The following CACNA1H variants were observed in gnomAD, a reference collection of about 807,000 sequenced individuals.
CACNA1H encodes the protein calcium voltage-gated channel subunit alpha1 H.
In CACNA1H, 149 loss-of-function variants were observed where a neutral mutation model predicts 192.5. That is an observed-to-expected ratio of 0.77 (90% CI 0.68 to 0.89). The LOEUF is 0.89. Ranked by LOEUF, CACNA1H falls within the 40% of genes least tolerant of loss-of-function variation. CACNA1H has a pLI of 0.00. For missense variants in CACNA1H, 4,257 were observed against 3,423.5 expected (o/e 1.24, Z -6.08); for synonymous variants, 2,202 against 1,475.2 (o/e 1.49, Z -11.29).
Position 1,205,197 on chromosome 16 carries a change from G to A in CACNA1H, c.2535G>A (p.Leu845=). The A allele has an allele frequency of 2.5e-6, 4 of 1,613,102 alleles. No individual in the cohort carries two copies. Among genetic ancestry groups the A allele is most frequent in the Non-Finnish European group, 3.4e-6 (4 of 1,179,780 alleles). ...CCCTGGAGATGCTGCTGAAGCTGCT[G>A]GCCTGCGGCCCTCTGGGCTACATCC... ...MFALEMLLKL[L]ACGPLGYIRN... Residue 845 remains leucine (L), a synonymous_variant, in exon 11 of 35, where the codon CTG becomes CTA. Transcript: ENST00000348261.
chr16:1,218,257 C>T lies in CACNA1H; in HGVS notation c.5493C>T (p.Tyr1831=), dbSNP rs60218977. Residue 1831 remains tyrosine, a synonymous_variant, in exon 33 of 35, where the codon TAC becomes TAT. Coordinates refer to ENST00000348261, the MANE Select transcript of CACNA1H (RefSeq NM_021098.3). ...CSREDKHCLS[Y]LPALSPVYFV... is the part of the protein sequence containing the mutation. Reference sequence around the variant, plus strand: ...GTGAGGACAAGCACTGCCTGAGCTACCTGCCGGCCCTGTCGCCCGTCTACT... The same window carrying T: ...GTGAGGACAAGCACTGCCTGAGCTATCTGCCGGCCCTGTCGCCCGTCTACT... The T allele has an allele frequency of 6.2e-3, 9,694 of 1,551,042 alleles. 60 individuals are homozygous for T. The highest frequency in any genetic ancestry group is 6.5e-3 in the Non-Finnish European group (7,412 of 1,147,352).
chr16:1,201,275 C>T (rs888848048), intron 8 of CACNA1H, among the ~76,000 whole-genome samples: 10 of 152,088 alleles, frequency 6.6e-5, no homozygotes, highest in Admixed American at 3.3e-4. Context: ...AGAGAGCAAG[C>T]GAAGCGAACG....
intron 2 of CACNA1H, among the ~76,000 whole-genome samples, chr16:1,192,347 GC>G (rs1966698093): frequency 1.3e-5 from 2 of 151,670 alleles, no homozygotes; most frequent in Non-Finnish European, 3.0e-5. Flanking sequence ...ACCCACCCCT[GC>G]CAGCCCCTCT....
chr16:1,206,025 G>T, intron 11 of CACNA1H, 79 bp from the exon 12 acceptor site: 1 of 1,388,302 alleles, frequency 7.2e-7, no homozygotes, highest in Non-Finnish European at 9.7e-7. Flanking sequence ...TCCCTGGCTG[G>T]TGACCCTGCT....
At chr16:1,182,067 C>T (rs1965534414) in intron 2 of CACNA1H, among the ~76,000 whole-genome samples, 1 of 152,346 alleles carries the variant, frequency 6.6e-6, no homozygotes, top group Admixed American at 6.5e-5. Flanking sequence ...ACAACGCTCC[C>T]CAGGGTGAGA....
chr16:1,185,583 GT>G (rs1965920374), intron 2 of CACNA1H, among the ~76,000 whole-genome samples: 1 of 150,526 alleles, frequency 6.6e-6, no homozygotes. Context: ...TCCATGGCGG[GT>G]GAGTAGACGG....
chr16:1,213,819 C>T lies in CACNA1H; in HGVS notation c.4817C>T (p.Thr1606Met), dbSNP rs59286323. ...CCCTACTATGCCGACTACTCGCCCA[C>T]GCGCCGCTCCATTCACTCGCTGTGC... Reference protein sequence around the residue: ...RRPYYADYSPTRRSIHSLCTS... With the variant: ...RRPYYADYSPMRRSIHSLCTS... The change falls in exon 27 of 35, where the codon ACG becomes ATG. Residue 1606 changes from threonine to methionine, a missense_variant. By Grantham distance (81) the Thr-to-Met change is moderately conservative (BLOSUM62 -1). Coordinates refer to ENST00000348261, the MANE Select transcript of CACNA1H (RefSeq NM_021098.3). 11,041 of 1,584,426 alleles carry T rather than the reference C, an allele frequency of 7.0e-3. 56 individuals are homozygous for T. Among genetic ancestry groups the T allele is most frequent in the Non-Finnish European group, 8.4e-3 (9,798 of 1,166,792 alleles).
chr16:1,171,894 C>A (rs1472281994), intron 2 of CACNA1H, among the ~76,000 whole-genome samples: 1 of 152,254 alleles, frequency 6.6e-6, no homozygotes, highest in Non-Finnish European at 1.5e-5. Flanking sequence ...GGGCAGAGCC[C>A]AAGGCCAGGG....
chr16:1,214,974 G>A lies in CACNA1H; in HGVS notation c.4932G>A (p.Ser1644=), dbSNP rs58764017. Residue 1644 remains serine, a splice_region_variant and synonymous_variant, in exon 28 of 35, where the codon TCG becomes TCA. Coordinates refer to ENST00000348261, the MANE Select transcript of CACNA1H (RefSeq NM_021098.3). The part of the protein sequence containing the change: ...MSMEHYNQPK[S]LDEALKYCNY... ...CCAGCCCGACCCTCCACCCCCAGTC[G>A]CTGGACGAGGCCCTCAAGTACTGCA... The A allele has an allele frequency of 1.0e-3, 1,615 of 1,603,918 alleles. 12 individuals are homozygous for A. In the African/African-American group the frequency reaches 0.018, roughly 18 times the overall value.
chr16:1,159,921 T>TC (rs1310996020), intron 2 of CACNA1H: 1 of 151,856 alleles, frequency 6.6e-6, no homozygotes, highest in African/African-American at 2.4e-5. Flanking sequence ...TCCCCTCACC[T>TC]CCCCCAAGGG....
rs1273662298 is a variant in CACNA1H, at chr16:1,200,135, C to A, written c.804-121C>A. 3.8e-6 allele frequency: 3 copies of A among 794,186 alleles called. No homozygotes were observed. The African/African-American group carries it at 5.2e-5, about 14-fold the overall frequency. The allele number at this position is 794,186 out of a possible 1,614,324, so 49.2% of individuals were successfully genotyped here. On this transcript the variant is annotated intron_variant, in intron 6 of 34. Coordinates refer to ENST00000348261, the MANE Select transcript of CACNA1H (RefSeq NM_021098.3). ...TGCCTCCCTAACCATGATTAGTCCACTGGCCCTGACCCTGATCACGTCCCT... is the reference window on the plus strand; with the variant it reads ...TGCCTCCCTAACCATGATTAGTCCAATGGCCCTGACCCTGATCACGTCCCT...
chr16:1,211,146 TGTATCCTTCACTCCCCTCCAGG>T lies in CACNA1H; in HGVS notation c.4224-19_4226del. 6.2e-7 allele frequency: 1 copy of T among 1,610,812 alleles called. No individual in the cohort carries two copies. Among genetic ancestry groups the T allele is most frequent in the Non-Finnish European group, 8.5e-7 (1 of 1,178,676 alleles). On this transcript the variant is annotated splice_acceptor_variant and splice_polypyrimidine_tract_variant and coding_sequence_variant and intron_variant, in exon 22 of 35. Coordinates refer to ENST00000348261, the MANE Select transcript of CACNA1H (RefSeq NM_021098.3). LOFTEE classifies it high-confidence loss of function. Reference sequence around the variant, plus strand: ...CAGCTGCTGCCATAGATGACTGCAGTGTATCCTTCACTCCCCTCCAGGGTCATCAGCCGGGCCCCGGGCCTCA... The same window carrying T: ...CAGCTGCTGCCATAGATGACTGCAGTGTCATCAGCCGGGCCCCGGGCCTCA...
intron 2 of CACNA1H, among the ~76,000 whole-genome samples, chr16:1,182,471 C>T (rs1466244862): frequency 6.6e-6 from 1 of 152,142 alleles, no homozygotes; most frequent in Admixed American, 6.5e-5. Flanking sequence ...GGCAGCCCAG[C>T]CCCCGTGCCC....
Position 1,209,226 on chromosome 16 carries a change from C to A in CACNA1H, c.3558C>A (p.Pro1186=), listed in dbSNP as rs748985468. 146 of 1,544,710 alleles carry A rather than the reference C, an allele frequency of 9.5e-5. No homozygotes were observed. Among genetic ancestry groups the A allele is most frequent in the Non-Finnish European group, 1.2e-4 (143 of 1,146,476 alleles). ...DDEAEDGRAA[P]GPRATPLRRA... Reference sequence around the variant, plus strand: ...AAGCTGAGGACGGCAGGGCCGCGCCCGGGCCCCGTGCCACCCCACTGCGGC... The same window carrying A: ...AAGCTGAGGACGGCAGGGCCGCGCCAGGGCCCCGTGCCACCCCACTGCGGC... The change falls in exon 17 of 35, where the codon CCC becomes CCA. Residue 1186 remains proline, a synonymous_variant. Coordinates refer to ENST00000348261, the MANE Select transcript of CACNA1H (RefSeq NM_021098.3).
intron 2 of CACNA1H, among the ~76,000 whole-genome samples, chr16:1,192,069 G>C (rs560153490): frequency 6.6e-6 from 1 of 152,372 alleles, no homozygotes; most frequent in Admixed American, 6.5e-5. Flanking sequence ...GTGTGATTTT[G>C]GCGGAGGGGG....
chr16:1,204,282 C>T lies in CACNA1H; in HGVS notation c.2275C>T (p.Pro759Ser). Reference protein sequence around the residue: ...TDTPGPGPGSPQRRAQQRAAP... With the variant: ...TDTPGPGPGSSQRRAQQRAAP... Reference sequence around the variant, plus strand: ...CACACCAGGCCCAGGCCCAGGCAGCCCCCAGCGGCGGGCACAGCAGAGGGC... The same window carrying T: ...CACACCAGGCCCAGGCCCAGGCAGCTCCCAGCGGCGGGCACAGCAGAGGGC... Residue 759 changes from proline to serine, a missense_variant, in exon 10 of 35, where the codon CCC becomes TCC. Coordinates refer to ENST00000348261, the MANE Select transcript of CACNA1H (RefSeq NM_021098.3). 3.1e-6 allele frequency: 5 copies of T among 1,607,912 alleles called. No homozygotes were observed. The highest frequency in any genetic ancestry group is 4.2e-6 in the Non-Finnish European group (5 of 1,177,390).
intron 11 of CACNA1H, 76 bp from the exon 12 acceptor site, chr16:1,206,028 A>T: frequency 7.1e-7 from 1 of 1,400,462 alleles, no homozygotes; most frequent in Non-Finnish European, 9.6e-7. Flanking sequence ...CTGGCTGGTG[A>T]CCCTGCTTCC....
rs1961908838 is a variant in CACNA1H at position 1,153,878 on chromosome 16, C to T, written c.141C>T (p.Gly47=). The T allele has an allele frequency of 1.4e-6, 2 of 1,417,322 alleles. No homozygotes were observed. The highest frequency in any genetic ancestry group is 1.5e-5 in the African/African-American group (1 of 66,862). 87.8% of individuals were successfully genotyped at this position (1,417,322 alleles called of 1,614,324 possible). A position where few individuals can be genotyped will look rare whatever the true frequency, so the allele number is the denominator to read the frequency against. ...AGGCGGAGCGGGGGTCCGAGCTCGG[C>T]GTGTCACCCTCCGAGAGCCCGGCGG... The part of the protein sequence containing the change: ...GREAERGSEL[G]VSPSESPAAE... The change falls in exon 2 of 35, where the codon GGC becomes GGT. Residue 47 remains glycine, a synonymous_variant. Transcript: ENST00000348261.
intron 33 of CACNA1H, 64 bp from the exon 34 acceptor site, chr16:1,218,906 G>C: frequency 6.6e-7 from 1 of 1,508,612 alleles, no homozygotes; most frequent in Non-Finnish European, 9.0e-7. Flanking sequence ...GAGGACGGGG[G>C]TGGGTGGCAG....
Sources: allele counts gnomAD v4.1 joint callset (sites outside exome capture counted in the v4.1 genomes callset), GRCh38; gene constraint gnomAD v4.1.1; transcripts MANE v1.5; gene names NCBI Gene and HGNC (gene_info 2026-07-23, HGNC 2026-07-21).